HOXA10: variants seen among roughly 807,000 people sequenced by gnomAD.
The protein encoded by HOXA10 is homeobox A10, also known as homeobox protein Hox-A10.
Under a neutral mutation model 29.7 loss-of-function variants are expected in HOXA10, and 12 were observed. The ratio of observed to expected loss-of-function variants is 0.40; its 90% CI spans 0.26 to 0.65. HOXA10 has a LOEUF of 0.65. HOXA10 is among the 30% of genes least tolerant of loss of function. The pLI is 0.37. For synonymous variants in HOXA10, 327 were observed against 280.7 expected (o/e 1.16, Z -1.65); for missense variants, 656 against 585.9 (o/e 1.12, Z -1.24).
upstream of HOXA10, among the ~76,000 whole-genome samples, chr7:27,178,945 T>C (rs17471590): frequency 1.8e-3 from 281 of 152,362 alleles, 8 homozygotes; most frequent in East Asian, 0.044. Context: ...TCCAGCTTTT[T>C]AAAAAAGTAT....
rs1562509620 is a variant in HOXA10 at position 27,171,855 on chromosome 7, A to T, written c.*44T>A. On this transcript the variant is annotated 3_prime_UTR_variant, in exon 2 of 2. Transcript: ENST00000283921. ...CAGAGCCTGAAGACAGAGGGAGGGG[A>T]CCAGCGCTCGGGAAGTGAAAAAACC... The T allele has an allele frequency of 6.2e-7, 1 of 1,608,056 alleles. No homozygotes were observed. Among genetic ancestry groups the T allele is most frequent in the Non-Finnish European group, 8.5e-7 (1 of 1,174,732 alleles).
chr7:27,177,693 C>A (rs1182449566), upstream of HOXA10, among the ~76,000 whole-genome samples: 1 of 152,142 alleles, frequency 6.6e-6, no homozygotes, highest in African/African-American at 2.4e-5. Flanking sequence ...ATGAAGAAAG[C>A]GATTCAGTTG....
chr7:27,173,829 C>A lies in HOXA10; in HGVS notation c.478G>T (p.Ala160Ser). ...PAPQATSCSF[A>S]QNIKEESSYC... is the part of the protein sequence containing the mutation. ...GAGCTCTCTTCTTTGATGTTCTGCG[C>A]GAAAGAGCACGAGGTGGCCTGCGGC... The change falls in exon 1 of 2, where the codon GCG becomes TCG. Residue 160 changes from alanine to serine, a missense_variant. Ala to Ser is a moderately conservative substitution (Grantham distance 99, BLOSUM62 1). Coordinates refer to ENST00000283921, the MANE Select transcript of HOXA10 (RefSeq NM_018951.4). 1 of 1,610,898 alleles carries A rather than the reference C, an allele frequency of 6.2e-7. No homozygotes were observed. The highest frequency in any genetic ancestry group is 1.1e-5 in the South Asian group (1 of 90,744).
chr7:27,172,480 G>T (rs571538252), intron 1 of HOXA10: 1 of 455,906 alleles, frequency 2.2e-6, no homozygotes, highest in South Asian at 2.3e-5. Flanking sequence ...TGTACATCTT[G>T]AACTTAACGC....
At chr7:27,176,264 A>C (rs1783653462), upstream of HOXA10, among the ~76,000 whole-genome samples, 1 of 152,280 alleles carries the variant, frequency 6.6e-6, no homozygotes, top group South Asian at 2.1e-4. Context: ...CAGCGGCTTT[A>C]GAGGGATCAA....
chr7:27,177,553 C>T (rs1361708160), upstream of HOXA10, among the ~76,000 whole-genome samples: 3 of 152,098 alleles, frequency 2.0e-5, no homozygotes, highest in African/African-American at 7.2e-5. Context: ...GTCTCCTAGC[C>T]CCCAGCATCC....
At chr7:27,175,855 G>T (rs767598431), upstream of HOXA10, among the ~76,000 whole-genome samples, 1 of 152,226 alleles carries the variant, frequency 6.6e-6, no homozygotes, top group Non-Finnish European at 1.5e-5. Flanking sequence ...CGGGTCATAC[G>T]CGGCACTTTG....
At chr7:27,173,218 C>G (rs1045589645) in intron 1 of HOXA10, 131 bp downstream of exon 1, 78 of 1,436,378 alleles carry the variant, frequency 5.4e-5, no homozygotes, top group Non-Finnish European at 7.0e-5. Flanking sequence ...AGCAAGTTCA[C>G]AAGGTCAGCC....
Position 27,171,215 on chromosome 7 carries a change from G to C in HOXA10, c.*684C>G. 1 of 454,118 alleles carries C rather than the reference G, an allele frequency of 2.2e-6. No individual in the cohort carries two copies. Among genetic ancestry groups the C allele is most frequent in the Non-Finnish European group, 4.4e-6 (1 of 226,764 alleles). The allele number at this position is 454,118 out of a possible 1,614,324, so 28.1% of individuals were successfully genotyped here. On this transcript the variant is annotated 3_prime_UTR_variant, in exon 2 of 2. Transcript: ENST00000283921. Reference sequence around the variant, plus strand: ...ACTGGAAGAGAAGTCCCCTTCTCTTGGTAATTCTTTTTTTTTCTTTTTAAA... The same window carrying C: ...ACTGGAAGAGAAGTCCCCTTCTCTTCGTAATTCTTTTTTTTTCTTTTTAAA...
exon 1 of HOXA10, chr7:27,179,795 G>A: frequency 1.4e-6 from 1 of 705,610 alleles, no homozygotes; most frequent in East Asian, 2.7e-5. Flanking sequence ...AAGGGGAGCG[G>A]GACAAGTGAA....
At chr7:27,172,726 T>C (rs1018272510) in intron 1 of HOXA10, 1 of 171,020 alleles carries the variant, frequency 5.8e-6, no homozygotes, top group African/African-American at 2.4e-5. Flanking sequence ...GAGCCAGGGA[T>C]AGATAGCTGG....
rs1456649064 is a variant in HOXA10 at position 27,171,212 on chromosome 7, C to G, written c.*687G>C. 1 of 454,134 alleles carries G rather than the reference C, an allele frequency of 2.2e-6. No individual in the cohort carries two copies. The highest frequency in any genetic ancestry group is 4.4e-6 in the Non-Finnish European group (1 of 226,768). The allele number at this position is 454,134 out of a possible 1,614,324, so 28.1% of individuals were successfully genotyped here. A position where few individuals can be genotyped will look rare whatever the true frequency, so the allele number is the denominator to read the frequency against. On this transcript the variant is annotated 3_prime_UTR_variant, in exon 2 of 2. Coordinates refer to ENST00000283921, the MANE Select transcript of HOXA10 (RefSeq NM_018951.4). ...GAAACTGGAAGAGAAGTCCCCTTCT[C>G]TTGGTAATTCTTTTTTTTTCTTTTT... is the stretch of plus-strand genomic sequence containing the variant.
upstream of HOXA10, among the ~76,000 whole-genome samples, chr7:27,177,853 T>C (rs1783680807): frequency 6.6e-6 from 1 of 152,202 alleles, no homozygotes; most frequent in Non-Finnish European, 1.5e-5. Flanking sequence ...CAACCAGGCC[T>C]TATGCAGCGG....
At chr7:27,177,624 C>T (rs906830237), upstream of HOXA10, among the ~76,000 whole-genome samples, 1 of 152,194 alleles carries the variant, frequency 6.6e-6, no homozygotes, top group African/African-American at 2.4e-5. Context: ...TTAGGTTTCT[C>T]AATAAAATAT....
Position 27,173,879 on chromosome 7 carries a change from G to A in HOXA10, c.428C>T (p.Pro143Leu). The change falls in exon 1 of 2, where the codon CCC becomes CTC. Residue 143 changes from proline to leucine, a missense_variant. By Grantham distance (98) the Pro-to-Leu change is moderately conservative (BLOSUM62 -3). Transcript: ENST00000283921. ...CGCTGGCTGGGGTGGTTGCGGCGGGGGCGGCGGCTGCTGCTGGGGCGGCGG... is the reference window on the plus strand; with the variant it reads ...CGCTGGCTGGGGTGGTTGCGGCGGGAGCGGCGGCTGCTGCTGGGGCGGCGG... Reference protein sequence around the residue: ...PPPPPQQQPPPPPQPPQPAPQ... With the variant: ...PPPPPQQQPPLPPQPPQPAPQ... 1 of 1,574,184 alleles carries A rather than the reference G, an allele frequency of 6.4e-7. No homozygotes were observed. The highest frequency in any genetic ancestry group is 8.6e-7 in the Non-Finnish European group (1 of 1,160,650).
intron 1 of HOXA10, 86 bp downstream of exon 1, chr7:27,173,263 G>A: frequency 1.3e-6 from 2 of 1,580,334 alleles, no homozygotes; most frequent in East Asian, 2.3e-5. Flanking sequence ...GCCGGCTGCT[G>A]CGCGGGCTCC....
chr7:27,172,580 G>A (rs941333616), intron 1 of HOXA10: 6 of 265,840 alleles, frequency 2.3e-5, no homozygotes, highest in African/African-American at 6.9e-5. Flanking sequence ...GATGGGCCAG[G>A]CAGCTTGGCT....
chr7:27,172,302 G>A (rs1254033197), intron 1 of HOXA10, 129 bp from the exon 2 acceptor site: 41 of 995,482 alleles, frequency 4.1e-5, no homozygotes, highest in Middle Eastern at 6.2e-4. Context: ...TCGTGCCCCC[G>A]TTTTTGGCTT....
At chr7:27,175,901 G>A (rs1424712615), upstream of HOXA10, among the ~76,000 whole-genome samples, 5 of 152,246 alleles carry the variant, frequency 3.3e-5, no homozygotes, top group Non-Finnish European at 7.3e-5. Flanking sequence ...GCCCAAGGTG[G>A]AAGAGGAGCC....
Sources: gnomAD v4.1 joint callset for allele counts (sites outside exome capture counted in the v4.1 genomes callset) on GRCh38, gnomAD v4.1.1 for gene constraint, MANE v1.5 for transcripts, NCBI Gene and HGNC (gene_info 2026-07-23, HGNC 2026-07-21) for gene names.